The following RYR3 variants were observed in gnomAD, a reference collection of about 807,000 sequenced individuals.
RYR3 encodes the protein brain ryanodine receptor-calcium release channel.
A neutral mutation model predicts 584.3 loss-of-function variants in RYR3; 207 were observed. The observed-to-expected ratio is 0.35, with a 90% CI of 0.32 to 0.40. The LOEUF is 0.40. Ranked by LOEUF, RYR3 falls within the 10% of genes least tolerant of loss-of-function variation. The probability of loss-of-function intolerance (pLI) is 1.00; values close to 1 mark genes in which losing one functional copy is unlikely to be tolerated. For missense variants in RYR3, 5,616 were observed against 6,089.2 expected (o/e 0.92, Z 2.59); for synonymous variants, 2,416 against 2,248.5 (o/e 1.07, Z -2.11).
In RYR3 at chr15:33,379,662, T is replaced by G. The variant is rs543176592; in HGVS notation, c.51+68566T>G. ...ATGTGTATGTGTGTGTGTGTGTGTG[T>G]GTCCCTCTCTCTCTCTCTCTCTCTC... On this transcript the variant is annotated intron_variant, in intron 1 of 103. Coordinates refer to ENST00000634891, the MANE Select transcript of RYR3 (RefSeq NM_001036.6). Among the ~76,000 whole-genome samples the G allele has an allele frequency of 3.5e-3, 433 of 123,912 alleles. 6 individuals are homozygous for G. Among genetic ancestry groups the G allele is most frequent in the African/African-American group, 0.015 (403 of 26,688 alleles). 81.3% of individuals were successfully genotyped at this position (123,912 alleles called of 152,430 possible). A position where few individuals can be genotyped will look rare whatever the true frequency, so the allele number is the denominator to read the frequency against.
At chr15:33,551,041 C>T (rs112174584) in intron 10 of RYR3, among the ~76,000 whole-genome samples, 4 of 152,118 alleles carry the variant, frequency 2.6e-5, no homozygotes, top group African/African-American at 9.7e-5. Context: ...TTTTTAGAAA[C>T]CGCCTCCTTT....
intron 1 of RYR3, among the ~76,000 whole-genome samples, chr15:33,341,798 A>G (rs1414984145): frequency 6.6e-6 from 1 of 152,024 alleles, no homozygotes; most frequent in African/African-American, 2.4e-5. Context: ...GGAGAGCAGA[A>G]CCCCTCTCTT....
chr15:33,483,921 T>A (rs1187719978), intron 2 of RYR3, among the ~76,000 whole-genome samples: 1 of 152,110 alleles, frequency 6.6e-6, no homozygotes, highest in Non-Finnish European at 1.5e-5. Context: ...AACAGGAGAG[T>A]ACCCTTAGAA....
chr15:33,765,370 C>T (rs55752587), intron 60 of RYR3, among the ~76,000 whole-genome samples: 24,510 of 151,942 alleles, frequency 0.16, 2,146 homozygotes, highest in South Asian at 0.26. Flanking sequence ...CGGTGGCTCA[C>T]ACCTGTAATC....
At chr15:33,745,538 CAG>C (rs1199106243) in intron 52 of RYR3, among the ~76,000 whole-genome samples, 2 of 152,162 alleles carry the variant, frequency 1.3e-5, no homozygotes, top group Non-Finnish European at 2.9e-5. Context: ...GTGCCTCGGA[CAG>C]AGTCTGGTGT....
Position 33,865,176 on chromosome 15 carries a change from T to C in RYR3, c.14563T>C (p.Phe4855Leu). The C allele has an allele frequency of 1.2e-6, 2 of 1,613,902 alleles. No individual in the cohort carries two copies. The highest frequency in any genetic ancestry group is 1.7e-6 in the Non-Finnish European group (2 of 1,179,906). Residue 4855 changes from phenylalanine (F) to leucine (L), a missense_variant, in exon 104 of 104, where the codon TTC becomes CTC. Physicochemically the swap from Phe to Leu is conservative, Grantham distance 22. Coordinates refer to ENST00000634891, the MANE Select transcript of RYR3 (RefSeq NM_001036.6). ...KMYQERCWDFFPAGDCFRKQY... is the reference protein window; with the variant it reads ...KMYQERCWDFLPAGDCFRKQY... Reference sequence around the variant, plus strand: ...GTACCAAGAAAGGTGTTGGGATTTCTTCCCAGCCGGTGACTGCTTTCGTAA... The same window carrying C: ...GTACCAAGAAAGGTGTTGGGATTTCCTCCCAGCCGGTGACTGCTTTCGTAA...
chr15:33,860,496 CT>C (rs57641933), intron 100 of RYR3, 98 bp from the exon 101 acceptor site: 21,567 of 518,692 alleles, frequency 0.042, 6 homozygotes, highest in South Asian at 0.055. Context: ...TGATAATTCA[CT>C]TTTTTTTTTT....
chr15:33,801,885 A>G lies in RYR3; in HGVS notation c.9935A>G (p.Glu3312Gly). ...CCCACTTAGAACTTCAAGAGAGAAG[A>G]GCAAAATTTTGTGATTCAGAATGAA... ...WCKSHNFKREEQNFVIQNEIN... is the reference protein window; with the variant it reads ...WCKSHNFKREGQNFVIQNEIN... The change falls in exon 69 of 104, where the codon GAG becomes GGG. Residue 3312 changes from glutamate (E) to glycine (G), a missense_variant. Physicochemically the swap from Glu to Gly is moderately conservative, Grantham distance 98. This residue lies in a region of RYR3 where 954 missense variants were observed against 1,132.2 expected (regional missense o/e 0.84). Transcript: ENST00000634891. The G allele has an allele frequency of 1.9e-6, 3 of 1,565,420 alleles. No homozygotes were observed. Among genetic ancestry groups the G allele is most frequent in the Non-Finnish European group, 2.6e-6 (3 of 1,149,062 alleles).
At chr15:33,451,223 C>T (rs11857814) in intron 1 of RYR3, among the ~76,000 whole-genome samples, 4,255 of 152,260 alleles carry the variant, frequency 0.028, 111 homozygotes, top group African/African-American at 0.062. Context: ...TAAATGGTGG[C>T]TTCCTTCCAC....
At chr15:33,762,651 T>C (rs1470138817) in intron 60 of RYR3, among the ~76,000 whole-genome samples, 1 of 152,210 alleles carries the variant, frequency 6.6e-6, no homozygotes, top group Non-Finnish European at 1.5e-5. Context: ...TCCATGCTCA[T>C]GGATAGGAAG....
intron 71 of RYR3, 159 bp from the exon 72 acceptor site, chr15:33,810,819 G>T: frequency 9.5e-7 from 1 of 1,052,190 alleles, no homozygotes; most frequent in Non-Finnish European, 1.4e-6. Context: ...TTGGAAGTCC[G>T]TGTGTGCCCT....
chr15:33,709,809 T>C (rs1287958715), intron 43 of RYR3, among the ~76,000 whole-genome samples: 1 of 152,160 alleles, frequency 6.6e-6, no homozygotes, highest in Non-Finnish European at 1.5e-5. Context: ...TAAGATACCT[T>C]AGTCTGGAGG....
In RYR3 at chr15:33,628,570, G is replaced by A. The variant is rs201437918; in HGVS notation, c.2674G>A (p.Gly892Ser). 1.7e-5 allele frequency: 27 copies of A among 1,606,630 alleles called. No individual in the cohort carries two copies. In the East Asian group the frequency reaches 1.8e-4, roughly 11 times the overall value. Residue 892 changes from glycine to serine, a missense_variant, in exon 21 of 104, where the codon GGC (glycine) becomes AGC (serine). This residue lies in a region of RYR3 where 1,284 missense variants were observed against 1,344.6 expected (regional missense o/e 0.95). Coordinates refer to ENST00000634891, the MANE Select transcript of RYR3 (RefSeq NM_001036.6). ...TAAAATAGAACTTGGCTGGACTTTC[G>A]GCAAGGTATGTGTCTCAGGGCCAGG... Reference protein sequence around the residue: ...MNKIELGWTFGKIRDDNKRQH... With the variant: ...MNKIELGWTFSKIRDDNKRQH...
intron 1 of RYR3, among the ~76,000 whole-genome samples, chr15:33,341,008 C>A (rs1414535013): frequency 6.6e-6 from 1 of 152,124 alleles, no homozygotes; most frequent in East Asian, 1.9e-4. Context: ...CACTGCTAAG[C>A]CCCATCCCCA....
At chr15:33,843,382 C>G in intron 91 of RYR3, 106 bp from the exon 92 acceptor site, 1 of 719,728 alleles carries the variant, frequency 1.4e-6, no homozygotes, top group Non-Finnish European at 2.4e-6. Context: ...AAGAGTAGGA[C>G]GAGTCAAGTG....
At chr15:33,633,287 C>G (rs1463483622) in intron 24 of RYR3, among the ~76,000 whole-genome samples, 179 bp downstream of exon 24, 5 of 152,222 alleles carry the variant, frequency 3.3e-5, no homozygotes, top group Non-Finnish European at 7.3e-5. Flanking sequence ...GTAATAGTCA[C>G]TTCATAGCTC....
At chr15:33,809,249 A>G (rs1368200624) in intron 70 of RYR3, among the ~76,000 whole-genome samples, 1 of 152,134 alleles carries the variant, frequency 6.6e-6, no homozygotes. Flanking sequence ...AGAGCCCTGT[A>G]TCTGTATGTC....
intron 67 of RYR3, among the ~76,000 whole-genome samples, chr15:33,789,861 A>G (rs796791522): frequency 1.4e-5 from 2 of 143,330 alleles, no homozygotes; most frequent in African/African-American, 2.6e-5. Context: ...ATTTTAGTAG[A>G]GATGGGGTTT....
chr15:33,359,191 T>C (rs1000140616), intron 1 of RYR3, among the ~76,000 whole-genome samples: 12 of 152,176 alleles, frequency 7.9e-5, no homozygotes, highest in African/African-American at 2.7e-4. Context: ...GCAACCAACA[T>C]GATACTCTTA....
Sources: gnomAD v4.1 joint callset for allele counts (sites outside exome capture counted in the v4.1 genomes callset) on GRCh38, gnomAD v4.1.1 for gene constraint, gnomAD v4.1.1 regional missense constraint, MANE v1.5 for transcripts, NCBI Gene and HGNC (gene_info 2026-07-23, HGNC 2026-07-21) for gene names.